The following CD164 variants were observed in gnomAD, a reference collection of about 807,000 sequenced individuals.
The protein encoded by CD164 is sialomucin core protein 24.
CD164 carries 11 observed loss-of-function variants against 24.6 expected under a neutral mutation model. The ratio of observed to expected loss-of-function variants is 0.45; its 90% CI spans 0.28 to 0.74. The LOEUF (loss-of-function observed/expected upper bound fraction) is 0.74, where lower values mean the gene tolerates loss of function less well. Among genes scored for constraint, CD164 ranks in the 30% least tolerant of loss-of-function variants. The pLI, the probability that CD164 is intolerant of heterozygous loss-of-function variation, is 0.13. For synonymous variants in CD164, 126 were observed against 100.3 expected (o/e 1.26, Z -1.53); for missense variants, 295 against 243.7 (o/e 1.21, Z -1.40).
chr6:109,382,018 T>C, intron 1 of CD164, 186 bp downstream of exon 1: 1 of 447,450 alleles, frequency 2.2e-6, no homozygotes, highest in Non-Finnish European at 3.6e-6. Flanking sequence ...CCCAGCGCGC[T>C]CCCCACCCGG....
chr6:109,376,586 C>T (rs1207036646), intron 3 of CD164, among the ~76,000 whole-genome samples: 1 of 152,190 alleles, frequency 6.6e-6, no homozygotes, highest in African/African-American at 2.4e-5. Flanking sequence ...TCCAGACTTC[C>T]TTTACATGAG....
rs1363945109 is a variant in CD164 at position 109,371,715 on chromosome 6, G to C, written c.371-1248C>G. On this transcript the variant is annotated intron_variant, in intron 4 of 5. Coordinates refer to ENST00000310786, the MANE Select transcript of CD164 (RefSeq NM_006016.6). ...AAGTTTGCTGGAGCATTTGAGAAAG[G>C]TTTCATTAAGAGGTTGTCCTAAGGG... The C allele has an allele frequency of 2.0e-5, 3 of 153,732 alleles. No individual in the cohort carries two copies. In the East Asian group the frequency reaches 5.8e-4, roughly 30 times the overall value. The allele number at this position is 153,732 out of a possible 1,614,324, so 9.5% of individuals were successfully genotyped here.
rs748276344 is a variant in CD164, at chr6:109,370,429, T to G, written c.409A>C (p.Lys137Gln). Residue 137 changes from lysine to glutamine, a missense_variant, in exon 5 of 6, where the codon AAG (lysine) becomes CAG (glutamine). Lys to Gln is a moderately conservative substitution (Grantham distance 53, BLOSUM62 1). Coordinates refer to ENST00000310786, the MANE Select transcript of CD164 (RefSeq NM_006016.6). ...TVQPSPSTTSKTVTTSGTTNN... is the reference protein window; with the variant it reads ...TVQPSPSTTSQTVTTSGTTNN... ...CAATTACCTGATGTAGTAACTGTCT[T>G]GGAAGTTGTAGAAGGGGAGGGCTGA... 4.2e-5 allele frequency: 67 copies of G among 1,613,098 alleles called. No homozygotes were observed. The highest frequency in any genetic ancestry group is 5.2e-5 in the Non-Finnish European group (61 of 1,179,386).
At chr6:109,379,166 C>T (rs1771592012) in intron 2 of CD164, among the ~76,000 whole-genome samples, 1 of 152,174 alleles carries the variant, frequency 6.6e-6, no homozygotes, top group Non-Finnish European at 1.5e-5. Context: ...ACAACCTTCA[C>T]TCACAGCTAA....
chr6:109,367,222 C>T lies in CD164; in HGVS notation c.*1629G>A, dbSNP rs141967121. 4.6e-5 allele frequency: 7 copies of T among 152,620 alleles called. No individual in the cohort carries two copies. Among genetic ancestry groups the T allele is most frequent in the African/African-American group, 1.7e-4 (7 of 41,546 alleles). The allele number at this position is 152,620 out of a possible 1,614,324, so 9.5% of individuals were successfully genotyped here. ...CACTTGAAAACATTAAGTATATGTACAAATGTGCAAGTAAAACAAACAGCT... is the reference window on the plus strand; with the variant it reads ...CACTTGAAAACATTAAGTATATGTATAAATGTGCAAGTAAAACAAACAGCT... On this transcript the variant is annotated 3_prime_UTR_variant, in exon 6 of 6. Coordinates refer to ENST00000310786, the MANE Select transcript of CD164 (RefSeq NM_006016.6).
At chr6:109,369,377 G>C (rs183989511) in intron 5 of CD164, among the ~76,000 whole-genome samples, 1 of 152,280 alleles carries the variant, frequency 6.6e-6, no homozygotes, top group East Asian at 1.9e-4. Context: ...ATAGTGCTGA[G>C]AATTCACATG....
intron 1 of CD164, chr6:109,381,359 C>A (rs1467804154): frequency 6.5e-6 from 4 of 612,062 alleles, no homozygotes; most frequent in Admixed American, 5.5e-5. Context: ...AACCCCCGTT[C>A]CACGACCTAC....
chr6:109,371,622 A>T (rs146511814), intron 4 of CD164: 5 of 153,920 alleles, frequency 3.2e-5, no homozygotes, highest in East Asian at 1.9e-4. Flanking sequence ...TCAGAAAGGA[A>T]GGATGTGAAT....
chr6:109,376,611 G>C (rs1771424957), intron 3 of CD164, among the ~76,000 whole-genome samples: 1 of 152,180 alleles, frequency 6.6e-6, no homozygotes, highest in African/African-American at 2.4e-5. Context: ...AAGTAAATCA[G>C]TCCACTGCTT....
At chr6:109,371,896 A>G (rs1771093223) in intron 4 of CD164, 1 of 152,356 alleles carries the variant, frequency 6.6e-6, no homozygotes, top group African/African-American at 2.4e-5. Context: ...TGATCTGGGG[A>G]AAGATGAGGA....
chr6:109,374,290 A>C (rs971612934), intron 4 of CD164, among the ~76,000 whole-genome samples: 13 of 152,152 alleles, frequency 8.5e-5, no homozygotes, highest in African/African-American at 3.1e-4. Flanking sequence ...ACTTAAATGG[A>C]TTCTAGGTAT....
In CD164 at chr6:109,368,748, C is replaced by A; in HGVS notation, c.*103G>T. 1 of 1,456,166 alleles carries A rather than the reference C, an allele frequency of 6.9e-7. No individual in the cohort carries two copies. The highest frequency in any genetic ancestry group is 9.0e-7 in the Non-Finnish European group (1 of 1,107,584). 90.2% of individuals were successfully genotyped at this position (1,456,166 alleles called of 1,614,324 possible). ...TATGCATCCATGGAAATTTAAAGAT[C>A]CTGGAATAGCGTCTTCCATGTGGGA... is the stretch of plus-strand genomic sequence containing the variant. On this transcript the variant is annotated 3_prime_UTR_variant, in exon 6 of 6. Transcript: ENST00000310786.
chr6:109,382,321 C>T lies in CD164; in HGVS notation c.58G>A (p.Val20Met), dbSNP rs138925698. 3.8e-6 allele frequency: 6 copies of T among 1,574,524 alleles called. No homozygotes were observed. The highest frequency in any genetic ancestry group is 1.8e-5 in the Admixed American group (1 of 54,554). Residue 20 changes from valine (V) to methionine (M), a missense_variant, in exon 1 of 6, where the codon GTG (valine) becomes ATG (methionine). Transcript: ENST00000310786. ...WAATCLGVLCVLSADKNTTQH... is the reference protein window; with the variant it reads ...WAATCLGVLCMLSADKNTTQH... ...GTCGTGTTCTTGTCCGCGGACAGCACGCAGAGCACGCCCAGGCAGGTGGCG... is the reference window on the plus strand; with the variant it reads ...GTCGTGTTCTTGTCCGCGGACAGCATGCAGAGCACGCCCAGGCAGGTGGCG...
In CD164 at chr6:109,368,133, T is replaced by C; in HGVS notation, c.*718A>G. The C allele has an allele frequency of 1.4e-6, 1 of 715,578 alleles. No individual in the cohort carries two copies. Among genetic ancestry groups the C allele is most frequent in the Non-Finnish European group, 2.2e-6 (1 of 459,302 alleles). 44.3% of individuals were successfully genotyped at this position (715,578 alleles called of 1,614,324 possible). ...TACATCCTCTGACCAATCCTTACCT[T>C]CCTTAATGTCAAAGAACAAATCATA... is the stretch of plus-strand genomic sequence containing the variant. On this transcript the variant is annotated 3_prime_UTR_variant, in exon 6 of 6. Coordinates refer to ENST00000310786, the MANE Select transcript of CD164 (RefSeq NM_006016.6).
chr6:109,378,793 T>A (rs1456866287), intron 2 of CD164, among the ~76,000 whole-genome samples: 1 of 152,100 alleles, frequency 6.6e-6, no homozygotes, highest in Non-Finnish European at 1.5e-5. Context: ...ATTTAGTTAA[T>A]ACCTTAAAGA....
intron 4 of CD164, chr6:109,372,948 T>C (rs1280920793): frequency 3.9e-5 from 6 of 152,098 alleles, no homozygotes; most frequent in African/African-American, 1.4e-4. Context: ...AAGTATTGCA[T>C]TGACAATATT....
chr6:109,379,337 C>G (rs1358224119), intron 2 of CD164, among the ~76,000 whole-genome samples: 1 of 152,042 alleles, frequency 6.6e-6, no homozygotes, highest in Admixed American at 6.6e-5. Context: ...GAGACTCCAT[C>G]TCATAAAAAA....
At chr6:109,375,771 A>C (rs1771367398) in intron 4 of CD164, 1 of 284,100 alleles carries the variant, frequency 3.5e-6, no homozygotes, top group African/African-American at 2.2e-5. Context: ...GATGAGAATT[A>C]TAATTTGCTT....
At chr6:109,369,215 G>C (rs949991792) in intron 5 of CD164, among the ~76,000 whole-genome samples, 198 bp from the exon 6 acceptor site, 1 of 152,120 alleles carries the variant, frequency 6.6e-6, no homozygotes, top group Admixed American at 6.5e-5. Flanking sequence ...ATACAAAGTG[G>C]TCAATGCTAC....
Sources: gnomAD v4.1 joint callset for allele counts (sites outside exome capture counted in the v4.1 genomes callset) on GRCh38, gnomAD v4.1.1 for gene constraint, MANE v1.5 for transcripts, NCBI Gene and HGNC (gene_info 2026-07-23, HGNC 2026-07-21) for gene names.